The following MECOM variants were observed in gnomAD, a reference collection of about 807,000 sequenced individuals.
MECOM encodes the protein histone-lysine N-methyltransferase MECOM.
A neutral mutation model predicts 116.3 loss-of-function variants in MECOM; 13 were observed. That is an observed-to-expected ratio of 0.11 (90% CI 0.07 to 0.18). The LOEUF is 0.18. MECOM is among the 10% of genes least tolerant of loss of function. MECOM has a pLI of 1.00. For synonymous variants in MECOM, 528 were observed against 535.2 expected, an observed-to-expected ratio of 0.99 and a Z score of 0.19; for missense variants, 1,299 against 1,509.0, an observed-to-expected ratio of 0.86 and a Z score of 2.31.
chr3:169,333,059 A>C (rs1279829003), intron 2 of MECOM, among the ~76,000 whole-genome samples: 1 of 152,236 alleles, frequency 6.6e-6, no homozygotes, highest in Non-Finnish European at 1.5e-5. Flanking sequence ...ACTTTATGAA[A>C]TTTAAATTAA....
intron 2 of MECOM, among the ~76,000 whole-genome samples, chr3:169,176,006 C>A (rs1439689811): frequency 1.3e-5 from 2 of 152,068 alleles, no homozygotes; most frequent in East Asian, 3.9e-4. Context: ...CGTTTTATTT[C>A]TTTACAAGAA....
intron 2 of MECOM, among the ~76,000 whole-genome samples, chr3:169,275,312 T>C (rs985523403): frequency 2.0e-5 from 3 of 152,214 alleles, no homozygotes; most frequent in African/African-American, 7.2e-5. Flanking sequence ...GGGAACATTC[T>C]TACACAGAAA....
At chr3:169,236,149 C>T (rs1198135984) in intron 2 of MECOM, among the ~76,000 whole-genome samples, 1 of 152,078 alleles carries the variant, frequency 6.6e-6, no homozygotes, top group Non-Finnish European at 1.5e-5. Flanking sequence ...GTCCTGAGCA[C>T]ATTTAAGGTA....
intron 1 of MECOM, among the ~76,000 whole-genome samples, chr3:169,423,088 AG>A (rs2108514264): frequency 6.6e-6 from 1 of 152,238 alleles, no homozygotes; most frequent in South Asian, 2.1e-4. Context: ...GCTCTGATTC[AG>A]TAGATCTAGG....
intron 2 of MECOM, among the ~76,000 whole-genome samples, chr3:169,185,484 T>A (rs1350532430): frequency 6.6e-6 from 1 of 152,106 alleles, no homozygotes; most frequent in African/African-American, 2.4e-5. Flanking sequence ...AAATGAAGTT[T>A]GCAATAAGAT....
At chr3:169,515,445 G>A (rs534576126) in intron 1 of MECOM, among the ~76,000 whole-genome samples, 6 of 152,106 alleles carry the variant, frequency 3.9e-5, no homozygotes, top group Non-Finnish European at 8.8e-5. Context: ...CATTTTACTG[G>A]GGAGATAATT....
chr3:169,268,872 G>A (rs896890069), intron 2 of MECOM, among the ~76,000 whole-genome samples: 37 of 152,056 alleles, frequency 2.4e-4, no homozygotes, highest in Non-Finnish European at 1.5e-5. Flanking sequence ...CCCAGTGTTT[G>A]TTTAAGAGTT....
chr3:169,533,591 T>TTTTTTTTTTTTTTTTCTTTTTTAC (rs55667588), intron 1 of MECOM, among the ~76,000 whole-genome samples: 1 of 132,238 alleles, frequency 7.6e-6, no homozygotes, highest in Non-Finnish European at 1.6e-5. Context: ...TTTTTTTTTT[T>TTTTTTTTTTTTTTTTCTTTTTTAC]ATTTCCTTAT....
chr3:169,532,057 A>G (rs1215242592), intron 1 of MECOM, among the ~76,000 whole-genome samples: 1 of 152,234 alleles, frequency 6.6e-6, no homozygotes, highest in African/African-American at 2.4e-5. Context: ...TGATTATACA[A>G]CAATAAACAT....
intron 1 of MECOM, among the ~76,000 whole-genome samples, chr3:169,441,757 G>A (rs1213649588): frequency 1.9e-5 from 2 of 105,844 alleles, no homozygotes; most frequent in African/African-American, 5.6e-5. Flanking sequence ...AAAAGGGGGG[G>A]TCTTGCTCTG....
Position 169,482,803 on chromosome 3 carries a change from TTACATGTTTTA to T in MECOM, c.38-101290_38-101280del, listed in dbSNP as rs1751530044. ...TTCTGGTGAATAACACTGTGATATG[TTACATGTTTTA>T]GCTCTCAATGACCGAAACATTTAAA... On this transcript the variant is annotated intron_variant, in intron 1 of 16. Coordinates refer to ENST00000651503, the MANE Select transcript of MECOM (RefSeq NM_004991.4). 6.6e-5 allele frequency among the ~76,000 whole-genome samples: 10 copies of T among 152,340 alleles called. No homozygotes were observed. The South Asian group carries it at 2.1e-3, about 32-fold the overall frequency.
intron 6 of MECOM, among the ~76,000 whole-genome samples, chr3:169,121,690 C>T (rs1431175921): frequency 2.6e-5 from 4 of 152,052 alleles, no homozygotes; most frequent in Non-Finnish European, 5.9e-5. Context: ...CAAGCTAAAA[C>T]CATTCCTTTA....
Position 169,107,952 on chromosome 3 carries a change from A to C in MECOM, c.2578T>G (p.Phe860Val). 1 of 1,612,838 alleles carries C rather than the reference A, an allele frequency of 6.2e-7. No individual in the cohort carries two copies. Among genetic ancestry groups the C allele is most frequent in the Non-Finnish European group, 8.5e-7 (1 of 1,179,292 alleles). ...CAAGTTCTCTGATCAGGCAGTTGGAACTGGGAGCAAAATTGAAACAAAAAC... is the reference window on the plus strand; with the variant it reads ...CAAGTTCTCTGATCAGGCAGTTGGACCTGGGAGCAAAATTGAAACAAAAAC... ...PSPGFLFHPQ[F>V]QLPDQRTWMS... The change falls in exon 10 of 17, where the codon TTC (phenylalanine) becomes GTC (valine). Residue 860 changes from phenylalanine to valine, a missense_variant and splice_region_variant. By Grantham distance (50) the Phe-to-Val change is conservative. Around this residue, in one of 6 missense-constraint regions of MECOM, gnomAD observed 340 missense variants for 312.6 expected, o/e 1.09. Transcript: ENST00000651503.
intron 2 of MECOM, among the ~76,000 whole-genome samples, chr3:169,178,265 C>CA (rs1745469243): frequency 6.6e-6 from 1 of 152,114 alleles, no homozygotes; most frequent in Admixed American, 6.6e-5. Context: ...TTTGCAGGAG[C>CA]CAGATGATGG....
intron 1 of MECOM, among the ~76,000 whole-genome samples, chr3:169,575,871 TA>T (rs147371655): frequency 1.5e-3 from 225 of 147,552 alleles, no homozygotes; most frequent in African/African-American, 5.2e-3. Flanking sequence ...CCTTAAGAGT[TA>T]AAAAAAAAAC....
intron 2 of MECOM, among the ~76,000 whole-genome samples, chr3:169,343,768 T>G (rs867578062): frequency 4.6e-5 from 7 of 152,118 alleles, no homozygotes; most frequent in African/African-American, 1.7e-4. Context: ...ACATATTAAT[T>G]TCAATAAATC....
chr3:169,270,665 A>C (rs1012576628), intron 2 of MECOM, among the ~76,000 whole-genome samples: 1 of 152,212 alleles, frequency 6.6e-6, no homozygotes, highest in Non-Finnish European at 1.5e-5. Context: ...GTAAAGCTAC[A>C]TTCAGTAGGG....
chr3:169,142,657 T>TA (rs149956960), intron 3 of MECOM, among the ~76,000 whole-genome samples: 50 of 152,132 alleles, frequency 3.3e-4, no homozygotes, highest in African/African-American at 1.2e-3. Flanking sequence ...TTTTACAATT[T>TA]ACTACCTCTT....
chr3:169,122,489 G>T, intron 6 of MECOM, 91 bp downstream of exon 6: 1 of 1,456,106 alleles, frequency 6.9e-7, no homozygotes, highest in Non-Finnish European at 9.4e-7. Flanking sequence ...TTTCCCCTCT[G>T]AAGGCTTGTT....
Sources: allele counts gnomAD v4.1 joint callset (sites outside exome capture counted in the v4.1 genomes callset), GRCh38; gene constraint gnomAD v4.1.1; regional missense constraint gnomAD v4.1.1; transcripts MANE v1.5; gene names NCBI Gene and HGNC (gene_info 2026-07-23, HGNC 2026-07-21).